The following LINGO1 variants were observed in gnomAD, a reference collection of about 807,000 sequenced individuals.
LINGO1 encodes the protein leucine rich repeat and Ig domain containing 1, also known as leucine-rich repeat and immunoglobulin-like domain-containing nogo receptor-interacting protein 1.
Under a neutral mutation model 37.3 loss-of-function variants are expected in LINGO1, and 11 were observed. The observed-to-expected ratio is 0.29, with a 90% CI of 0.19 to 0.49. The LOEUF (loss-of-function observed/expected upper bound fraction) is 0.49. LINGO1 is among the 20% of genes least tolerant of loss of function. The pLI, the probability that LINGO1 is intolerant of heterozygous loss-of-function variation, is 0.99. For synonymous variants in LINGO1, 387 were observed against 403.0 expected (o/e 0.96, Z 0.48); for missense variants, 585 against 878.2 (o/e 0.67, Z 4.22).
At chr15:77,720,039 C>T (rs1284984616) in intron 2 of LINGO1, among the ~76,000 whole-genome samples, 5 of 149,910 alleles carry the variant, frequency 3.3e-5, no homozygotes, top group African/African-American at 1.2e-4. Context: ...GCAGTGAAGC[C>T]CCTGCCTCAC....
upstream of LINGO1, among the ~76,000 whole-genome samples, chr15:77,633,709 C>T (rs894319909): frequency 6.6e-6 from 1 of 152,230 alleles, no homozygotes; most frequent in Non-Finnish European, 1.5e-5. Context: ...CTTGACTGTT[C>T]CCTCCTCCCG....
rs146294841 is a variant in LINGO1, at chr15:77,756,588, G to T, written c.-256-21535C>A. Among the ~76,000 whole-genome samples the T allele has an allele frequency of 3.4e-3, 521 of 152,304 alleles. 3 individuals carry two copies. The highest frequency in any genetic ancestry group is 0.012 in the African/African-American group (482 of 41,562). Reference sequence around the variant, plus strand: ...CAAGGGAGGGCCAAGCCGGGGCTGGGAGCCCAGGCTCAGCAGCCCTGGTTG... The same window carrying T: ...CAAGGGAGGGCCAAGCCGGGGCTGGTAGCCCAGGCTCAGCAGCCCTGGTTG... On this transcript the variant is annotated intron_variant, in intron 1 of 3. Coordinates refer to the LINGO1 transcript ENST00000561686.
upstream of LINGO1, among the ~76,000 whole-genome samples, chr15:77,635,614 C>A (rs887943730): frequency 2.0e-5 from 3 of 152,218 alleles, no homozygotes; most frequent in African/African-American, 7.2e-5. Context: ...ATGTTCCCCG[C>A]ACCCCAGGCC....
chr15:77,744,416 C>A (rs1239881348), intron 1 of LINGO1, among the ~76,000 whole-genome samples: 1 of 152,112 alleles, frequency 6.6e-6, no homozygotes, highest in African/African-American at 2.4e-5. Flanking sequence ...CATCTGTAAT[C>A]CCAGCTACTC....
At chr15:77,757,697 C>CA (rs1490393837) in intron 1 of LINGO1, among the ~76,000 whole-genome samples, 1 of 152,190 alleles carries the variant, frequency 6.6e-6, no homozygotes, top group East Asian at 1.9e-4. Context: ...CAAAGAGAGC[C>CA]AGCAGGGGCA....
chr15:77,640,827 CTCATTCATTCAT>C (rs55914213), intron 3 of LINGO1, among the ~76,000 whole-genome samples: 106 of 150,600 alleles, frequency 7.0e-4, no homozygotes, highest in Admixed American at 8.6e-4. Flanking sequence ...CATTCATCTC[CTCATTCATTCAT>C]TCATTCATTC....
chr15:77,795,862 C>G (rs1596239993), intron 2 of LINGO1: 1 of 152,466 alleles, frequency 6.6e-6, no homozygotes, highest in East Asian at 1.9e-4. Context: ...AGGAAACCCC[C>G]AGAAAGATGG....
chr15:77,626,266 G>A (rs2074087595), intron 1 of LINGO1, among the ~76,000 whole-genome samples: 1 of 140,346 alleles, frequency 7.1e-6, no homozygotes, highest in African/African-American at 3.3e-5. Context: ...GTCAGGGACA[G>A]GTGAGAGAGT....
intron 1 of LINGO1, among the ~76,000 whole-genome samples, chr15:77,815,553 C>T (rs1043647931): frequency 2.0e-5 from 3 of 152,212 alleles, no homozygotes; most frequent in Non-Finnish European, 2.9e-5. Context: ...GACACAGAAA[C>T]TGAGGCAGAC....
chr15:77,700,825 T>C (rs577435309), upstream of LINGO1, among the ~76,000 whole-genome samples: 2 of 152,182 alleles, frequency 1.3e-5, no homozygotes, highest in East Asian at 3.9e-4. Context: ...CCCCTCACAG[T>C]GTTAAAAACA....
upstream of LINGO1, among the ~76,000 whole-genome samples, chr15:77,820,595 G>C (rs944096517): frequency 2.6e-5 from 4 of 152,210 alleles, no homozygotes; most frequent in African/African-American, 9.6e-5. Context: ...GGGCTCACGG[G>C]CTGGCGTCCC....
At chr15:77,749,061 C>T (rs1242719730) in intron 1 of LINGO1, among the ~76,000 whole-genome samples, 2 of 151,760 alleles carry the variant, frequency 1.3e-5, no homozygotes, top group East Asian at 3.9e-4. Flanking sequence ...GCGCACACTA[C>T]CACGCCCGGC....
chr15:77,720,402 G>A (rs2076037178), intron 2 of LINGO1, among the ~76,000 whole-genome samples: 2 of 152,236 alleles, frequency 1.3e-5, no homozygotes, highest in Non-Finnish European at 2.9e-5. Flanking sequence ...CCACGTGTGT[G>A]AGCGCAGTGC....
rs375852110 is a variant in LINGO1, at chr15:77,691,324, T to TCA, written c.-280-425_-280-424dup. On this transcript the variant is annotated intron_variant, in intron 1 of 3. Transcript: ENST00000559893. ...GAGAGGAGAAGGGATTTGCCCGAGG[T>TCA]CACACAGTGAGAGGGTGGCAAAGGC... 1.0e-3 allele frequency among the ~76,000 whole-genome samples: 158 copies of TCA among 152,172 alleles called. 2 individuals are homozygous for TCA. Among genetic ancestry groups the TCA allele is most frequent in the African/African-American group, 3.6e-3 (151 of 41,500 alleles).
At chr15:77,716,121 A>G (rs115043809) in intron 2 of LINGO1, among the ~76,000 whole-genome samples, 2 of 152,170 alleles carry the variant, frequency 1.3e-5, no homozygotes, top group African/African-American at 4.8e-5. Flanking sequence ...AGAAGGGGGA[A>G]GTTCTATAAA....
chr15:77,791,118 G>T (rs1466138857), upstream of LINGO1, among the ~76,000 whole-genome samples: 3 of 152,182 alleles, frequency 2.0e-5, no homozygotes, highest in African/African-American at 7.2e-5. Context: ...CTGATGCAGA[G>T]CCAGGCTTGG....
chr15:77,717,836 G>GGCCCA (rs1323994716), intron 2 of LINGO1, among the ~76,000 whole-genome samples: 7 of 151,000 alleles, frequency 4.6e-5, no homozygotes, highest in Non-Finnish European at 7.4e-5. Flanking sequence ...GGTGGGGAAA[G>GGCCCA]GCCCAGCCCA....
intron 1 of LINGO1, among the ~76,000 whole-genome samples, chr15:77,757,771 A>G (rs1467595668): frequency 6.6e-6 from 1 of 152,150 alleles, no homozygotes; most frequent in Non-Finnish European, 1.5e-5. Flanking sequence ...TAGGCCTCCT[A>G]GCTTAAGCAA....
intron 2 of LINGO1, among the ~76,000 whole-genome samples, chr15:77,679,348 C>T (rs916732064): frequency 1.3e-5 from 2 of 152,142 alleles, no homozygotes; most frequent in Admixed American, 6.5e-5. Flanking sequence ...TCTTCCATCA[C>T]GTGTGAAAGC....
Sources: gnomAD v4.1 joint callset for allele counts (sites outside exome capture counted in the v4.1 genomes callset) on GRCh38, gnomAD v4.1.1 for gene constraint, MANE v1.5 for transcripts, NCBI Gene and HGNC (gene_info 2026-07-23, HGNC 2026-07-21) for gene names.